RASGRP3: variants seen among roughly 807,000 people sequenced by gnomAD.
The protein encoded by RASGRP3 is ras guanyl-releasing protein 3.
RASGRP3 carries 54 observed loss-of-function variants against 82.7 expected under a neutral mutation model. That is an observed-to-expected ratio of 0.65 (90% CI 0.52 to 0.82). The LOEUF (loss-of-function observed/expected upper bound fraction) is 0.82. Ranked by LOEUF, RASGRP3 falls within the 40% of genes least tolerant of loss-of-function variation. RASGRP3 has a pLI of 0.00. For synonymous variants in RASGRP3, 309 were observed against 300.5 expected, an observed-to-expected ratio of 1.03 and a Z score of -0.29; for missense variants, 861 against 828.9, an observed-to-expected ratio of 1.04 and a Z score of -0.48.
intron 1 of RASGRP3, among the ~76,000 whole-genome samples, chr2:33,437,169 G>T (rs1574202769): frequency 6.6e-6 from 1 of 152,172 alleles, no homozygotes; most frequent in Admixed American, 6.5e-5. Flanking sequence ...ATAGTTTCCA[G>T]TGATAGAAAG....
At chr2:33,560,209 A>G (rs752436084) in intron 17 of RASGRP3, among the ~76,000 whole-genome samples, 1 of 152,248 alleles carries the variant, frequency 6.6e-6, no homozygotes, top group Non-Finnish European at 1.5e-5. Flanking sequence ...AAGAAATCCT[A>G]CACCCACGAG....
rs765650374 is a variant in RASGRP3 at position 33,558,235 on chromosome 2, A to C, written c.1604A>C (p.Gln535Pro). The C allele has an allele frequency of 2.5e-6, 4 of 1,612,078 alleles. No homozygotes were observed. The Admixed American group carries it at 5.0e-5, about 20-fold the overall frequency. ...GACTGTGGAGCCAATTGTCACAAAC[A>C]GTGCAAAGACCTCCTGGTTCTGGCC... is the stretch of plus-strand genomic sequence containing the variant. ...CKDCGANCHK[Q>P]CKDLLVLACR... Residue 535 changes from glutamine to proline, a missense_variant, in exon 16 of 18, where the codon CAG becomes CCG. Physicochemically the swap from Gln to Pro is moderately conservative, Grantham distance 76. Coordinates refer to ENST00000403687, the MANE Select transcript of RASGRP3 (RefSeq NM_001139488.2).
chr2:33,510,349 C>T (rs888843501), intron 1 of RASGRP3, among the ~76,000 whole-genome samples: 4 of 152,284 alleles, frequency 2.6e-5, no homozygotes, highest in South Asian at 4.1e-4. Context: ...AATTCTAGAG[C>T]CAAGAGAAAG....
rs146109850 is a variant in RASGRP3 at position 33,554,040 on chromosome 2, A to G, written c.1543-1491A>G. 2.0e-3 allele frequency among the ~76,000 whole-genome samples: 311 copies of G among 152,122 alleles called. 2 individuals carry two copies. Among genetic ancestry groups the G allele is most frequent in the African/African-American group, 7.2e-3 (297 of 41,498 alleles). On this transcript the variant is annotated intron_variant, in intron 14 of 17. Transcript: ENST00000403687. ...GCGTGAGCCACCGCGCCCGGCTGAC[A>G]TTTGCATTTTAATATGTATTCTGAA... is the stretch of plus-strand genomic sequence containing the variant.
intron 4 of RASGRP3, among the ~76,000 whole-genome samples, chr2:33,517,751 G>C (rs1671606078): frequency 6.6e-6 from 1 of 152,152 alleles, no homozygotes; most frequent in African/African-American, 2.4e-5. Flanking sequence ...TGACAACCTA[G>C]ACATTGTCCA....
intron 2 of RASGRP3, among the ~76,000 whole-genome samples, chr2:33,452,419 C>A (rs1665848582): frequency 6.6e-6 from 1 of 152,206 alleles, no homozygotes; most frequent in South Asian, 2.1e-4. Flanking sequence ...TTGGTGGAAT[C>A]TGAGGGCAGA....
chr2:33,556,682 G>A (rs1302562951), intron 15 of RASGRP3, among the ~76,000 whole-genome samples: 4 of 151,828 alleles, frequency 2.6e-5, no homozygotes, highest in East Asian at 1.9e-4. Flanking sequence ...CCAGTATTTC[G>A]TCCTCATTTT....
chr2:33,477,302 G>A (rs2150927326), intron 1 of RASGRP3, among the ~76,000 whole-genome samples: 1 of 152,204 alleles, frequency 6.6e-6, no homozygotes, highest in East Asian at 1.9e-4. Flanking sequence ...TTTCTTGCAT[G>A]GTTTCCAACT....
chr2:33,539,299 A>G, intron 12 of RASGRP3, 89 bp downstream of exon 12: 1 of 1,061,604 alleles, frequency 9.4e-7, no homozygotes, highest in Non-Finnish European at 1.4e-6. Context: ...ATCTGATGGA[A>G]CCCCTGAAAA....
intron 4 of RASGRP3, among the ~76,000 whole-genome samples, chr2:33,518,841 T>A (rs1671714001): frequency 6.6e-6 from 1 of 151,876 alleles, no homozygotes; most frequent in South Asian, 2.1e-4. Context: ...CTTGTTCCCC[T>A]GGAAGGTGTC....
intron 5 of RASGRP3, 57 bp downstream of exon 5, chr2:33,520,071 A>G (rs1204547974): frequency 7.2e-7 from 1 of 1,391,756 alleles, no homozygotes; most frequent in East Asian, 2.5e-5. Flanking sequence ...ATCGTGGACA[A>G]TTTCCTTTTC....
intron 2 of RASGRP3, among the ~76,000 whole-genome samples, chr2:33,459,955 G>C (rs1666267269): frequency 6.6e-6 from 1 of 152,192 alleles, no homozygotes; most frequent in African/African-American, 2.4e-5. Flanking sequence ...AGAGAGCTCA[G>C]AGGAGCCTGG....
chr2:33,508,953 A>G (rs552065197), intron 1 of RASGRP3, among the ~76,000 whole-genome samples: 229 of 152,314 alleles, frequency 1.5e-3, no homozygotes, highest in African/African-American at 5.0e-3. Context: ...GTTATGGTCT[A>G]GTTACACTTT....
At chr2:33,462,371 T>G (rs559213713) in intron 2 of RASGRP3, among the ~76,000 whole-genome samples, 1 of 145,526 alleles carries the variant, frequency 6.9e-6, no homozygotes, top group Non-Finnish European at 1.5e-5. Flanking sequence ...AGAGGTTTTT[T>G]TTTTTTGTTT....
At chr2:33,548,509 C>T (rs1293939365) in intron 13 of RASGRP3, among the ~76,000 whole-genome samples, 1 of 151,906 alleles carries the variant, frequency 6.6e-6, no homozygotes, top group East Asian at 1.9e-4. Flanking sequence ...CTGAGCATAA[C>T]CTGGAAGGAG....
In RASGRP3 at chr2:33,516,523, T is replaced by C; in HGVS notation, c.71-19T>C. On this transcript the variant is annotated intron_variant, in intron 3 of 17. Transcript: ENST00000403687. ...ATAGCACTATTATCTCCTCACTTCT[T>C]GTTTTATTTTTCTAACAGATGACAA... 1 of 1,476,576 alleles carries C rather than the reference T, an allele frequency of 6.8e-7. No individual in the cohort carries two copies. The highest frequency in any genetic ancestry group is 9.3e-7 in the Non-Finnish European group (1 of 1,070,082). The allele number at this position is 1,476,576 out of a possible 1,614,324, so 91.5% of individuals were successfully genotyped here. A position where few individuals can be genotyped will look rare whatever the true frequency, so the allele number is the denominator to read the frequency against.
At chr2:33,523,461 TA>T (rs74978733) in intron 7 of RASGRP3, among the ~76,000 whole-genome samples, 38,156 of 144,606 alleles carry the variant, frequency 0.26, 6,817 homozygotes, top group African/African-American at 0.52. Flanking sequence ...GACAGTCGGT[TA>T]AAAAAAAAAA....
intron 7 of RASGRP3, among the ~76,000 whole-genome samples, chr2:33,522,730 CT>C (rs1435743305): frequency 6.6e-6 from 1 of 152,230 alleles, no homozygotes; most frequent in Admixed American, 6.5e-5. Flanking sequence ...CAGCCAGCCA[CT>C]TTGCTTTGTC....
chr2:33,487,930 G>T (rs1668532779), intron 1 of RASGRP3, among the ~76,000 whole-genome samples: 1 of 152,146 alleles, frequency 6.6e-6, no homozygotes, highest in Non-Finnish European at 1.5e-5. Context: ...GTTGCAGACA[G>T]CAGTACACTT....
Sources: allele counts gnomAD v4.1 joint callset (sites outside exome capture counted in the v4.1 genomes callset), GRCh38; gene constraint gnomAD v4.1.1; transcripts MANE v1.5; gene names NCBI Gene and HGNC (gene_info 2026-07-23, HGNC 2026-07-21).